Variants in ADK observed in about 807,000 individuals in gnomAD.
ADK encodes adenosine kinase.
ADK carries 24 observed loss-of-function variants against 44.7 expected under a neutral mutation model. The observed-to-expected ratio is 0.54, with a 90% confidence interval of 0.39 to 0.76. ADK has a LOEUF of 0.76. Ranked by LOEUF, ADK falls within the 30% of genes least tolerant of loss-of-function variation. The probability of loss-of-function intolerance (pLI) is 0.00; values close to 1 mark genes in which losing one functional copy is unlikely to be tolerated. For synonymous variants in ADK, 128 were observed against 142.6 expected, an observed-to-expected ratio of 0.90 and a Z score of 0.73; for missense variants, 321 against 425.1, an observed-to-expected ratio of 0.76 and a Z score of 2.15.
intron 10 of ADK, among the ~76,000 whole-genome samples, chr10:74,680,375 AT>A (rs1167806741): frequency 6.6e-6 from 1 of 152,078 alleles, no homozygotes; most frequent in African/African-American, 2.4e-5. Flanking sequence ...TGTGATTTGT[AT>A]TTTGTTAAAA....
intron 9 of ADK, among the ~76,000 whole-genome samples, 200 bp from the exon 10 acceptor site, chr10:74,669,983 A>G (rs1431900820): frequency 6.6e-6 from 1 of 152,244 alleles, no homozygotes; most frequent in Non-Finnish European, 1.5e-5. Context: ...CAGCATCTGT[A>G]TGCTGAAAGT....
intron 1 of ADK, among the ~76,000 whole-genome samples, chr10:74,181,321 G>C (rs945450638): frequency 6.6e-6 from 1 of 150,992 alleles, no homozygotes; most frequent in African/African-American, 2.4e-5. Context: ...TAAGATCTTT[G>C]AATTTGGCTG....
intron 9 of ADK, among the ~76,000 whole-genome samples, chr10:74,654,517 A>C (rs1175450123): frequency 1.3e-5 from 2 of 152,250 alleles, no homozygotes; most frequent in Non-Finnish European, 2.9e-5. Flanking sequence ...ATCCAATTCA[A>C]GTATTAATTC....
At chr10:74,503,676 G>A (rs550675949) in intron 6 of ADK, among the ~76,000 whole-genome samples, 5 of 152,208 alleles carry the variant, frequency 3.3e-5, no homozygotes, top group African/African-American at 1.2e-4. Flanking sequence ...ACTTCATTGG[G>A]CAGAAAAATT....
At chr10:74,163,622 TAAAAAC>T (rs770061377) in intron 1 of ADK, among the ~76,000 whole-genome samples, 3 of 152,212 alleles carry the variant, frequency 2.0e-5, no homozygotes, top group Non-Finnish European at 2.9e-5. Flanking sequence ...AGGGGTCACT[TAAAAAC>T]AAAATAGGGC....
intron 1 of ADK, among the ~76,000 whole-genome samples, chr10:74,156,257 T>G (rs1156433708): frequency 6.6e-6 from 1 of 152,212 alleles, no homozygotes; most frequent in Admixed American, 6.5e-5. Flanking sequence ...ATATTCAGCC[T>G]CAAATAAAAC....
intron 10 of ADK, among the ~76,000 whole-genome samples, chr10:74,687,453 A>G (rs1020218830): frequency 6.6e-6 from 1 of 152,224 alleles, no homozygotes; most frequent in African/African-American, 2.4e-5. Context: ...TTGCCCTTGA[A>G]CGAGATGCCT....
At chr10:74,447,484 G>A (rs1163667705) in intron 6 of ADK, among the ~76,000 whole-genome samples, 1 of 152,080 alleles carries the variant, frequency 6.6e-6, no homozygotes, top group Non-Finnish European at 1.5e-5. Context: ...GGAAGTAAAG[G>A]GGAGGGCAGA....
At chr10:74,153,859 A>C (rs999609853) in intron 1 of ADK, among the ~76,000 whole-genome samples, 2 of 152,226 alleles carry the variant, frequency 1.3e-5, no homozygotes, top group Admixed American at 6.5e-5. Flanking sequence ...AGTGCCTTCC[A>C]AGGCTTGTTG....
At chr10:74,634,353 T>C (rs1589317745) in intron 9 of ADK, among the ~76,000 whole-genome samples, 1 of 152,108 alleles carries the variant, frequency 6.6e-6, no homozygotes, top group African/African-American at 2.4e-5. Context: ...TAGCTGGGAC[T>C]ACAGGCTCCC....
chr10:74,314,983 T>G (rs1237834851), intron 4 of ADK, among the ~76,000 whole-genome samples: 2 of 152,116 alleles, frequency 1.3e-5, no homozygotes, highest in Non-Finnish European at 2.9e-5. Flanking sequence ...TTAAATTGTT[T>G]CCTTTCACTA....
intron 6 of ADK, among the ~76,000 whole-genome samples, chr10:74,481,579 T>C (rs1847075482): frequency 6.6e-6 from 1 of 152,250 alleles, no homozygotes; most frequent in Admixed American, 6.5e-5. Flanking sequence ...TTAGTGTCTC[T>C]GCTTAATAGG....
At chr10:74,657,550 A>G (rs1446361001) in intron 9 of ADK, among the ~76,000 whole-genome samples, 1 of 152,236 alleles carries the variant, frequency 6.6e-6, no homozygotes, top group Non-Finnish European at 1.5e-5. Context: ...TAGTACAGTT[A>G]TTTACTACTT....
chr10:74,603,295 A>C (rs1436881187), intron 9 of ADK, among the ~76,000 whole-genome samples: 2 of 152,116 alleles, frequency 1.3e-5, no homozygotes, highest in African/African-American at 4.8e-5. Context: ...TCTGGGATAC[A>C]TGTCCAGAAT....
chr10:74,533,268 AGTTTTTTT>A (rs1849353165), intron 7 of ADK, among the ~76,000 whole-genome samples: 1 of 152,206 alleles, frequency 6.6e-6, no homozygotes, highest in African/African-American at 2.4e-5. Flanking sequence ...GAATTTCAGA[AGTTTTTTT>A]TAAAGTCAAG....
intron 7 of ADK, chr10:74,528,151 C>G (rs778946450): frequency 3.2e-5 from 33 of 1,025,818 alleles, no homozygotes; most frequent in Non-Finnish European, 4.3e-5. Flanking sequence ...AAGTATAGAT[C>G]AGAAGTTTCA....
At chr10:74,602,589 T>C (rs777433287) in intron 9 of ADK, among the ~76,000 whole-genome samples, 1 of 152,154 alleles carries the variant, frequency 6.6e-6, no homozygotes, top group Non-Finnish European at 1.5e-5. Context: ...TATTAAGCCA[T>C]TCTTAGGAAT....
intron 2 of ADK, among the ~76,000 whole-genome samples, chr10:74,212,264 TC>T (rs1320174996): frequency 6.6e-6 from 1 of 152,224 alleles, no homozygotes; most frequent in African/African-American, 2.4e-5. Flanking sequence ...AAATGGTACT[TC>T]TAAGGATAAG....
At chr10:74,438,860 A>G (rs967749503) in intron 6 of ADK, among the ~76,000 whole-genome samples, 7 of 152,126 alleles carry the variant, frequency 4.6e-5, no homozygotes, top group Non-Finnish European at 1.5e-5. Context: ...TATATATATC[A>G]TCTTCAGTAT....
Sources: allele counts gnomAD v4.1 joint callset (sites outside exome capture counted in the v4.1 genomes callset), GRCh38; gene constraint gnomAD v4.1.1; transcripts MANE v1.5; gene names NCBI Gene and HGNC (gene_info 2026-07-23, HGNC 2026-07-21).